The following SYNE1 variants were observed in gnomAD, a reference collection of about 807,000 sequenced individuals.
SYNE1 encodes nesprin-1.
A neutral mutation model predicts 1,111.0 loss-of-function variants in SYNE1; 616 were observed. That is an observed-to-expected ratio of 0.55 (90% CI 0.52 to 0.59). SYNE1 has a LOEUF of 0.59. Among genes scored for constraint, SYNE1 ranks in the 20% least tolerant of loss-of-function variants. SYNE1 has a pLI of 0.00. For synonymous variants in SYNE1, 3,855 were observed against 3,825.8 expected (o/e 1.01, Z -0.28); for missense variants, 10,006 against 10,417.0 (o/e 0.96, Z 1.72).
At chr6:152,388,489 T>C (rs141278340) in intron 53 of SYNE1, among the ~76,000 whole-genome samples, 83 of 152,300 alleles carry the variant, frequency 5.4e-4, no homozygotes, top group Middle Eastern at 3.4e-3. Flanking sequence ...TGTAGAGGCA[T>C]AGTTTTGCCC....
At chr6:152,320,535 T>C (rs1236973364) in intron 84 of SYNE1, among the ~76,000 whole-genome samples, 3 of 152,206 alleles carry the variant, frequency 2.0e-5, no homozygotes, top group African/African-American at 7.2e-5. Context: ...AAATCTATTA[T>C]ATTTCCATAC....
intron 10 of SYNE1, among the ~76,000 whole-genome samples, chr6:152,499,431 A>G (rs2099016825): frequency 6.6e-6 from 1 of 152,096 alleles, no homozygotes; most frequent in Admixed American, 6.5e-5. Context: ...TATCGATAAA[A>G]TACTTAATTC....
In SYNE1 at chr6:152,526,119, T is replaced by C. The variant is rs768365924; in HGVS notation, c.186A>G (p.Lys62=). 12 of 1,614,130 alleles carry C rather than the reference T, an allele frequency of 7.4e-6. No individual in the cohort carries two copies. The South Asian group carries it at 1.2e-4, about 16-fold the overall frequency. Residue 62 remains lysine (K), a synonymous_variant, in exon 5 of 146, where the codon AAA becomes AAG. Transcript: ENST00000367255. ...DLFEDMKDGV[K]LLALLEVLSG... Reference sequence around the variant, plus strand: ...ACAGGACCTCCAGAAGGGCAAGCAGTTTAACACCATCTTTCATGTCTTCAA... The same window carrying C: ...ACAGGACCTCCAGAAGGGCAAGCAGCTTAACACCATCTTTCATGTCTTCAA...
intron 112 of SYNE1, 59 bp from the exon 113 acceptor site, chr6:152,232,324 C>T: frequency 6.4e-7 from 1 of 1,571,772 alleles, no homozygotes; most frequent in Non-Finnish European, 8.8e-7. Flanking sequence ...CCAACTTCTG[C>T]TAACTTAAAA....
intron 91 of SYNE1, among the ~76,000 whole-genome samples, chr6:152,306,099 C>T (rs1408783845): frequency 6.6e-6 from 1 of 152,062 alleles, no homozygotes; most frequent in Non-Finnish European, 1.5e-5. Flanking sequence ...GAGACTGAGT[C>T]CAATTTCAAT....
chr6:152,382,847 G>A (rs999722458), intron 55 of SYNE1, among the ~76,000 whole-genome samples: 2 of 152,146 alleles, frequency 1.3e-5, no homozygotes, highest in African/African-American at 4.8e-5. Context: ...TAGTCATTCA[G>A]AATTTGAATA....
chr6:152,418,918 C>T (rs2098210481), intron 40 of SYNE1, among the ~76,000 whole-genome samples: 1 of 152,162 alleles, frequency 6.6e-6, no homozygotes, highest in Admixed American at 6.5e-5. Flanking sequence ...TAGCTTGTCC[C>T]TACTACCCTC....
At chr6:152,161,844 C>T (rs1486736997) in intron 131 of SYNE1, among the ~76,000 whole-genome samples, 2 of 152,150 alleles carry the variant, frequency 1.3e-5, no homozygotes, top group Non-Finnish European at 1.5e-5. Flanking sequence ...CTGATCAGTT[C>T]TCCAGAAAGG....
At chr6:152,485,018 G>A in intron 12 of SYNE1, 46 bp from the exon 13 acceptor site, 1 of 1,594,882 alleles carries the variant, frequency 6.3e-7, no homozygotes, top group South Asian at 1.1e-5. Context: ...GTCAAAAAAA[G>A]CAAAAGCAAA....
rs1251778665 is a variant in SYNE1, at chr6:152,133,478, T to C, written c.25799A>G (p.His8600Arg). The C allele has an allele frequency of 1.2e-6, 2 of 1,614,210 alleles. No individual in the cohort carries two copies. The highest frequency in any genetic ancestry group is 1.7e-6 in the Non-Finnish European group (2 of 1,180,030). Reference protein sequence around the residue: ...DHHKQLMQIKHELLESQLRVA... With the variant: ...DHHKQLMQIKRELLESQLRVA... ...TCTGAGTTGGGATTCCAACAGCTCA[T>C]GCTTTATTTGCTATGCATACAAAAA... Residue 8600 changes from histidine (H) to arginine (R), a missense_variant, in exon 143 of 146, where the codon CAT becomes CGT. Transcript: ENST00000367255.
chr6:152,633,238 T>C (rs376478032), intron 2 of SYNE1, among the ~76,000 whole-genome samples: 2 of 152,354 alleles, frequency 1.3e-5, no homozygotes, highest in East Asian at 1.9e-4. Flanking sequence ...ATGGGCTGTA[T>C]ACCAATAAAT....
At chr6:152,604,254 G>T (rs2099605238) in intron 3 of SYNE1, among the ~76,000 whole-genome samples, 1 of 151,678 alleles carries the variant, frequency 6.6e-6, no homozygotes, top group Non-Finnish European at 1.5e-5. Flanking sequence ...TATGTTGGTT[G>T]AATTTTAAGG....
At chr6:152,595,481 C>T (rs923440138) in intron 3 of SYNE1, among the ~76,000 whole-genome samples, 2 of 152,182 alleles carry the variant, frequency 1.3e-5, no homozygotes, top group African/African-American at 2.4e-5. Flanking sequence ...AACATCAACT[C>T]GTTAGCATGC....
chr6:152,193,796 G>A (rs149129834), intron 127 of SYNE1, among the ~76,000 whole-genome samples: 1,696 of 152,110 alleles, frequency 0.011, 21 homozygotes, highest in Non-Finnish European at 0.016. Context: ...CAGATCATGA[G>A]GTTAGGAGAT....
chr6:152,548,919 G>T (rs554052536), intron 3 of SYNE1, among the ~76,000 whole-genome samples: 1 of 152,160 alleles, frequency 6.6e-6, no homozygotes, highest in African/African-American at 2.4e-5. Context: ...TTAAGAGGTC[G>T]TGAAGTTTCT....
intron 8 of SYNE1, among the ~76,000 whole-genome samples, chr6:152,509,561 G>A (rs931540881): frequency 6.6e-6 from 1 of 152,002 alleles, no homozygotes; most frequent in Non-Finnish European, 1.5e-5. Context: ...CTGGCTGAGA[G>A]CAGTCATTTT....
chr6:152,301,585 T>G (rs1272638491), intron 92 of SYNE1, among the ~76,000 whole-genome samples: 1 of 152,216 alleles, frequency 6.6e-6, no homozygotes, highest in African/African-American at 2.4e-5. Context: ...GCTCAGAGCC[T>G]CTCAGTATTA....
At chr6:152,612,407 T>A (rs542964675) in intron 3 of SYNE1, among the ~76,000 whole-genome samples, 1 of 152,240 alleles carries the variant, frequency 6.6e-6, no homozygotes, top group Admixed American at 6.5e-5. Flanking sequence ...AAGAAATGGA[T>A]AAATTCCTGG....
chr6:152,308,539 C>A lies in SYNE1; in HGVS notation c.17296G>T (p.Val5766Phe), dbSNP rs1254751192. The stretch of plus-strand genomic sequence containing the variant: ...AGCTCCTGTATGTTACTGGTGGCAA[C>A]AGGTTTATCCTCAATCTCTCTGTGA... ...GAHREIEDKP[V>F]ATSNIQELQA... The change falls in exon 91 of 146, where the codon GTT becomes TTT. Residue 5766 changes from valine (V) to phenylalanine (F), a missense_variant. Physicochemically the swap from Val to Phe is conservative, Grantham distance 50 (BLOSUM62 -1). Coordinates refer to ENST00000367255, the MANE Select transcript of SYNE1 (RefSeq NM_182961.4). The A allele has an allele frequency of 6.2e-7, 1 of 1,613,772 alleles. No homozygotes were observed. Among genetic ancestry groups the A allele is most frequent in the Non-Finnish European group, 8.5e-7 (1 of 1,180,002 alleles).
Sources: gnomAD v4.1 joint callset for allele counts (sites outside exome capture counted in the v4.1 genomes callset) on GRCh38, gnomAD v4.1.1 for gene constraint, MANE v1.5 for transcripts, NCBI Gene and HGNC (gene_info 2026-07-23, HGNC 2026-07-21) for gene names.